Variants in MDGA2 observed in about 807,000 individuals in gnomAD.
The protein encoded by MDGA2 is MAM domain containing glycosylphosphatidylinositol anchor 2, also known as MAM domain-containing glycosylphosphatidylinositol anchor protein 2.
Under a neutral mutation model 117.8 loss-of-function variants are expected in MDGA2, and 40 were observed. The ratio of observed to expected loss-of-function variants is 0.34; its 90% CI spans 0.26 to 0.44. The LOEUF (loss-of-function observed/expected upper bound fraction) is 0.44, where lower values mean the gene tolerates loss of function less well. Ranked by LOEUF, MDGA2 falls within the 20% of genes least tolerant of loss-of-function variation. MDGA2 has a pLI of 1.00. For synonymous variants in MDGA2, 452 were observed against 439.0 expected (o/e 1.03, Z -0.37); for missense variants, 1,123 against 1,250.6 (o/e 0.90, Z 1.54).
intron 1 of MDGA2, among the ~76,000 whole-genome samples, chr14:47,589,447 C>T (rs1332992873): frequency 6.6e-6 from 1 of 151,946 alleles, no homozygotes; most frequent in East Asian, 1.9e-4. Context: ...GACTGCTTTT[C>T]TCATAGAATT....
At chr14:47,354,527 A>G (rs1179102517) in intron 1 of MDGA2, among the ~76,000 whole-genome samples, 1 of 152,192 alleles carries the variant, frequency 6.6e-6, no homozygotes, top group East Asian at 1.9e-4. Flanking sequence ...CATATGAAAA[A>G]GCATGATCAG....
intron 3 of MDGA2, among the ~76,000 whole-genome samples, chr14:47,155,913 TTTTTTTTTTTTTTTTTTTGA>T (rs1883364621): frequency 1.8e-5 from 1 of 57,038 alleles, no homozygotes; most frequent in African/African-American, 8.7e-5. Flanking sequence ...TTTTTTTTTT[TTTTTTTTTTTTTTTTTTTGA>T]GACAGAGTCT....
At chr14:47,078,126 A>G (rs1268682388) in intron 6 of MDGA2, among the ~76,000 whole-genome samples, 2 of 152,146 alleles carry the variant, frequency 1.3e-5, no homozygotes, top group Non-Finnish European at 2.9e-5. Flanking sequence ...TCTTAACAAA[A>G]GGTAAACATC....
In MDGA2 at chr14:46,970,210, T is replaced by C. The variant is rs182777341; in HGVS notation, c.1820-12567A>G. 6.0e-3 allele frequency among the ~76,000 whole-genome samples: 914 copies of C among 151,942 alleles called. 1 individual carries two copies. The highest frequency in any genetic ancestry group is 0.019 in the East Asian group (96 of 5,146). On this transcript the variant is annotated intron_variant, in intron 8 of 16. Coordinates refer to ENST00000399232, the MANE Select transcript of MDGA2 (RefSeq NM_001113498.3). ...ATTAGAAAAAAACAATCCTGGAATT[T>C]GTATGAAACCAAAAAAGAGCCAGAA...
chr14:47,062,486 T>C (rs1889922087), intron 6 of MDGA2, among the ~76,000 whole-genome samples: 1 of 141,182 alleles, frequency 7.1e-6, no homozygotes, highest in Admixed American at 7.7e-5. Flanking sequence ...GATTCTCTTA[T>C]ACACAGATTT....
intron 1 of MDGA2, among the ~76,000 whole-genome samples, chr14:47,597,970 A>C (rs567026873): frequency 6.6e-6 from 1 of 152,140 alleles, no homozygotes; most frequent in South Asian, 2.1e-4. Flanking sequence ...CGTGCGTATA[A>C]ACCTTTACAA....
intron 8 of MDGA2, among the ~76,000 whole-genome samples, chr14:47,004,478 C>T (rs1463585279): frequency 2.6e-5 from 4 of 151,654 alleles, no homozygotes; most frequent in Non-Finnish European, 3.0e-5. Flanking sequence ...TTGCAATAAG[C>T]CATCAGATAG....
At chr14:47,377,953 A>T (rs577398184) in intron 1 of MDGA2, among the ~76,000 whole-genome samples, 1 of 152,322 alleles carries the variant, frequency 6.6e-6, no homozygotes, top group Admixed American at 6.5e-5. Context: ...ACTGTGAGAC[A>T]ACTCCCAGTA....
At chr14:47,417,447 CT>C (rs1482507023) in intron 1 of MDGA2, among the ~76,000 whole-genome samples, 2 of 152,148 alleles carry the variant, frequency 1.3e-5, no homozygotes, top group African/African-American at 4.8e-5. Flanking sequence ...ATAACAATAG[CT>C]TTTACCATCT....
At chr14:47,178,387 T>C in intron 3 of MDGA2, among the ~76,000 whole-genome samples, 1 of 152,186 alleles carries the variant, frequency 6.6e-6, no homozygotes, top group East Asian at 1.9e-4. Context: ...TCATAATAGA[T>C]ATTTAAAGCT....
At chr14:47,660,682 A>G (rs1267123318) in intron 1 of MDGA2, among the ~76,000 whole-genome samples, 1 of 152,252 alleles carries the variant, frequency 6.6e-6, no homozygotes, top group African/African-American at 2.4e-5. Context: ...ACATTTAACT[A>G]TCAATCTTTC....
chr14:47,443,954 A>G (rs1020029375), intron 1 of MDGA2, among the ~76,000 whole-genome samples: 2 of 152,318 alleles, frequency 1.3e-5, no homozygotes, highest in Middle Eastern at 6.8e-3. Context: ...GCCAAAACAC[A>G]GTTACTAGAT....
chr14:47,311,093 G>C (rs539462953), intron 1 of MDGA2, among the ~76,000 whole-genome samples: 16 of 152,204 alleles, frequency 1.1e-4, no homozygotes, highest in Non-Finnish European at 1.9e-4. Flanking sequence ...CCTAAAGGCA[G>C]AGGTACTAAT....
chr14:47,550,315 C>T (rs1324158093), intron 1 of MDGA2, among the ~76,000 whole-genome samples: 2 of 152,152 alleles, frequency 1.3e-5, no homozygotes, highest in Non-Finnish European at 2.9e-5. Flanking sequence ...TTACTAGTGA[C>T]TTCTTTGTGA....
rs1002913163 is a variant in MDGA2 at position 47,279,623 on chromosome 14, T to G, written c.420+21788A>C. On this transcript the variant is annotated intron_variant, in intron 2 of 16. Coordinates refer to ENST00000399232, the MANE Select transcript of MDGA2 (RefSeq NM_001113498.3). The stretch of plus-strand genomic sequence containing the variant: ...TTTATGGCTTCAGAGTTTCCCGTCA[T>G]CCTTAAAAAGGCTTCCCTATCCTGT... 3.3e-5 allele frequency among the ~76,000 whole-genome samples: 5 copies of G among 152,204 alleles called. No individual in the cohort carries two copies. In the South Asian group the frequency reaches 1.0e-3, roughly 32 times the overall value.
chr14:47,420,373 G>A (rs1027128342), intron 1 of MDGA2, among the ~76,000 whole-genome samples: 1 of 152,042 alleles, frequency 6.6e-6, no homozygotes, highest in African/African-American at 2.4e-5. Context: ...CTTCTATTTT[G>A]GAAACAGCAG....
At chr14:47,292,187 C>T (rs752621709) in intron 2 of MDGA2, among the ~76,000 whole-genome samples, 1 of 152,150 alleles carries the variant, frequency 6.6e-6, no homozygotes, top group Non-Finnish European at 1.5e-5. Flanking sequence ...GAGACTATGA[C>T]TCCTTCACTC....
intron 1 of MDGA2, among the ~76,000 whole-genome samples, chr14:47,474,110 G>A (rs1388372451): frequency 6.6e-6 from 1 of 152,134 alleles, no homozygotes; most frequent in Non-Finnish European, 1.5e-5. Flanking sequence ...AGCTTCTTAA[G>A]CTGATAAACA....
chr14:47,031,595 T>G (rs1888668420), intron 8 of MDGA2, among the ~76,000 whole-genome samples: 1 of 152,152 alleles, frequency 6.6e-6, no homozygotes, highest in South Asian at 2.1e-4. Flanking sequence ...ACAGCTGATA[T>G]GGTTTGGATC....
Sources: allele counts gnomAD v4.1 joint callset (sites outside exome capture counted in the v4.1 genomes callset), GRCh38; gene constraint gnomAD v4.1.1; transcripts MANE v1.5; gene names NCBI Gene and HGNC (gene_info 2026-07-23, HGNC 2026-07-21).